UBE2F: variants seen among roughly 807,000 people sequenced by gnomAD.
UBE2F encodes ubiquitin conjugating enzyme E2 F (putative).
UBE2F carries 5 observed loss-of-function variants against 29.6 expected under a neutral mutation model. The observed-to-expected ratio is 0.17, with a 90% CI of 0.09 to 0.36. UBE2F has a LOEUF of 0.36. Ranked by LOEUF, UBE2F falls within the 10% of genes least tolerant of loss-of-function variation. The probability of loss-of-function intolerance (pLI) is 1.00; values close to 1 mark genes in which losing one functional copy is unlikely to be tolerated. For synonymous variants in UBE2F, 66 were observed against 81.8 expected (o/e 0.81, Z 1.04); for missense variants, 141 against 228.5 (o/e 0.62, Z 2.47).
chr2:238,010,412 C>T (rs2063997430), intron 4 of UBE2F, among the ~76,000 whole-genome samples: 1 of 152,224 alleles, frequency 6.6e-6, no homozygotes, highest in African/African-American at 2.4e-5. Flanking sequence ...ACCTTGTGAT[C>T]CGCCTGCCTT....
intron 4 of UBE2F, among the ~76,000 whole-genome samples, chr2:238,008,587 AT>A (rs1049023159): frequency 2.0e-5 from 3 of 151,990 alleles, no homozygotes; most frequent in Non-Finnish European, 2.9e-5. Flanking sequence ...AAGATTGTCA[AT>A]TTTTTGACCT....
intron 4 of UBE2F, chr2:238,003,570 G>T (rs919368970): frequency 7.0e-6 from 2 of 286,838 alleles, no homozygotes; most frequent in African/African-American, 4.3e-5. Flanking sequence ...TCATTTCCAT[G>T]GGCAAAAACA....
At chr2:238,011,567 G>A (rs1559217812) in intron 4 of UBE2F, among the ~76,000 whole-genome samples, 1 of 152,210 alleles carries the variant, frequency 6.6e-6, no homozygotes, top group Non-Finnish European at 1.5e-5. Flanking sequence ...TCAACTATTT[G>A]TGTAATGAAT....
At chr2:238,030,894 A>G (rs1253918299) in intron 7 of UBE2F, among the ~76,000 whole-genome samples, 2 of 152,232 alleles carry the variant, frequency 1.3e-5, no homozygotes, top group Non-Finnish European at 2.9e-5. Context: ...ACCACCCGCC[A>G]CATAGGAAAC....
intron 2 of UBE2F, among the ~76,000 whole-genome samples, chr2:237,975,599 A>G (rs2063265012): frequency 6.6e-6 from 1 of 152,192 alleles, no homozygotes; most frequent in Non-Finnish European, 1.5e-5. Context: ...CCAGACACAA[A>G]TCACTGTTAA....
chr2:237,990,421 T>C, intron 3 of UBE2F: 1 of 450,686 alleles, frequency 2.2e-6, no homozygotes, highest in South Asian at 1.6e-5. Context: ...TTTTTTTTAA[T>C]AGACAGGGTC....
chr2:238,026,336 C>T (rs2064428238), intron 6 of UBE2F, among the ~76,000 whole-genome samples: 1 of 152,190 alleles, frequency 6.6e-6, no homozygotes, highest in South Asian at 2.1e-4. Flanking sequence ...GCTCAACTTC[C>T]GTATCTCTTT....
intron 2 of UBE2F, among the ~76,000 whole-genome samples, chr2:237,974,568 C>T (rs1362660223): frequency 1.1e-4 from 16 of 139,350 alleles, no homozygotes; most frequent in African/African-American, 4.3e-4. Context: ...GGCTGGAGTG[C>T]AGTGGTGCAA....
intron 4 of UBE2F, 183 bp from the exon 5 acceptor site, chr2:238,016,383 C>A: frequency 8.6e-6 from 5 of 579,150 alleles, no homozygotes; most frequent in Non-Finnish European, 1.5e-5. Context: ...CATTTCTGTT[C>A]AGGCAGGGGC....
In UBE2F at chr2:238,001,936, G is replaced by A. The variant is rs546977114; in HGVS notation, c.214+7127G>A. Among the ~76,000 whole-genome samples, 5 of 152,206 alleles carry A rather than the reference G, an allele frequency of 3.3e-5. No homozygotes were observed. In the East Asian group the frequency reaches 5.8e-4, roughly 18 times the overall value. ...AACTCCCTGATACATGATAATAAAC[G>A]TGCAGCTTACATTGAGTCATAAACG... On this transcript the variant is annotated intron_variant, in intron 4 of 9. Transcript: ENST00000272930.
chr2:238,014,188 C>G (rs564510960), intron 4 of UBE2F, among the ~76,000 whole-genome samples: 232 of 152,292 alleles, frequency 1.5e-3, no homozygotes, highest in Non-Finnish European at 2.8e-3. Context: ...CCAGTCTGCT[C>G]CCAAGCTGCT....
intron 3 of UBE2F, among the ~76,000 whole-genome samples, chr2:237,993,944 G>A (rs1248525176): frequency 1.3e-5 from 2 of 152,038 alleles, no homozygotes; most frequent in Non-Finnish European, 2.9e-5. Flanking sequence ...GGACCAGTGG[G>A]CACAGAACAT....
chr2:237,978,875 G>A (rs1243904736), intron 2 of UBE2F, among the ~76,000 whole-genome samples: 2 of 152,160 alleles, frequency 1.3e-5, no homozygotes, highest in African/African-American at 4.8e-5. Context: ...CAGGGTCTGA[G>A]TCCATGGTGC....
rs139736972 is a variant in UBE2F, at chr2:238,039,809, G to C, written c.508-1479G>C. ...TGGCTGAGGTGAACAGGGAGACTAA[G>C]AGTACATGGCATCTTTTGTCCTCCA... On this transcript the variant is annotated intron_variant, in intron 9 of 9. Transcript: ENST00000272930. 6.2e-4 allele frequency among the ~76,000 whole-genome samples: 94 copies of C among 152,338 alleles called. 1 individual carries two copies. The East Asian group carries it at 0.017, about 27-fold the overall frequency.
At chr2:237,994,213 T>C (rs10469604) in intron 3 of UBE2F, among the ~76,000 whole-genome samples, 129,437 of 151,130 alleles carry the variant, frequency 0.86, 55,586 homozygotes, top group East Asian at 0.97. Context: ...TGGGTTCAAG[T>C]GATTCTCCTG....
intron 5 of UBE2F, among the ~76,000 whole-genome samples, chr2:238,020,232 C>T (rs1189751755): frequency 6.6e-6 from 1 of 152,216 alleles, no homozygotes; most frequent in Non-Finnish European, 1.5e-5. Context: ...CGGTGTGTAG[C>T]TTGTGCCTGC....
At chr2:238,005,437 C>A (rs2063880307) in intron 4 of UBE2F, among the ~76,000 whole-genome samples, 1 of 152,166 alleles carries the variant, frequency 6.6e-6, no homozygotes, top group African/African-American at 2.4e-5. Flanking sequence ...CTCAAGTGAT[C>A]AGCCAACTTT....
chr2:238,025,529 G>T, intron 6 of UBE2F, 117 bp downstream of exon 6: 1 of 950,194 alleles, frequency 1.1e-6, no homozygotes, highest in Non-Finnish European at 1.6e-6. Context: ...ATTAGGAAGG[G>T]CTTGAACTCA....
chr2:238,032,436 C>G (rs2064604425), intron 8 of UBE2F, 182 bp downstream of exon 8: 2 of 569,950 alleles, frequency 3.5e-6, no homozygotes, highest in African/African-American at 3.8e-5. Context: ...CCAGGAGGCC[C>G]AAACCCCATC....
Sources: gnomAD v4.1 joint callset for allele counts (sites outside exome capture counted in the v4.1 genomes callset) on GRCh38, gnomAD v4.1.1 for gene constraint, MANE v1.5 for transcripts, NCBI Gene and HGNC (gene_info 2026-07-23, HGNC 2026-07-21) for gene names.